The following GALNT13 variants were observed in gnomAD, a reference collection of about 807,000 sequenced individuals.
GALNT13 encodes the protein UDP-GalNAc:polypeptide N-acetylgalactosaminyltransferase 13.
In GALNT13, 28 loss-of-function variants were observed where a neutral mutation model predicts 64.2. The observed-to-expected ratio is 0.44, with a 90% CI of 0.32 to 0.60. The LOEUF is 0.60. GALNT13 is among the 20% of genes least tolerant of loss of function. The pLI, the probability that GALNT13 is intolerant of heterozygous loss-of-function variation, is 0.05. For missense variants in GALNT13, 577 were observed against 669.8 expected (o/e 0.86, Z 1.53); for synonymous variants, 214 against 224.6 (o/e 0.95, Z 0.42).
the GALNT13 span, among the ~76,000 whole-genome samples, chr2:153,225,107 A>G: frequency 6.6e-6 from 1 of 152,246 alleles, no homozygotes; most frequent in African/African-American, 2.4e-5. Flanking sequence ...GGACGAATCC[A>G]ACAATGTGTA....
chr2:153,195,420 A>C, the GALNT13 span, among the ~76,000 whole-genome samples: 97 of 152,316 alleles, frequency 6.4e-4, 1 homozygote, highest in South Asian at 0.02. Flanking sequence ...GCCACTGTGC[A>C]GTCAGACATG....
intron 3 of GALNT13, among the ~76,000 whole-genome samples, chr2:154,090,039 G>A (rs1381403077): frequency 6.6e-6 from 1 of 152,018 alleles, no homozygotes; most frequent in East Asian, 1.9e-4. Flanking sequence ...TGCCTTGCGA[G>A]AAGCACAAGT....
At chr2:153,196,611 T>C in the GALNT13 span, among the ~76,000 whole-genome samples, 1 of 151,950 alleles carries the variant, frequency 6.6e-6, no homozygotes, top group Non-Finnish European at 1.5e-5. Context: ...GCCTGCTCCA[T>C]GGAGCATGCA....
At chr2:154,413,952 T>C (rs1699898846) in intron 11 of GALNT13, among the ~76,000 whole-genome samples, 1 of 152,116 alleles carries the variant, frequency 6.6e-6, no homozygotes, top group Non-Finnish European at 1.5e-5. Flanking sequence ...TTTACTTCTT[T>C]AGAAATATCT....
chr2:153,255,045 A>T, the GALNT13 span, among the ~76,000 whole-genome samples: 2 of 152,038 alleles, frequency 1.3e-5, no homozygotes, highest in Non-Finnish European at 2.9e-5. Context: ...TGTCTCGTTG[A>T]TCTGTCTAAT....
At chr2:154,050,372 T>C (rs1303732334) in intron 3 of GALNT13, among the ~76,000 whole-genome samples, 1 of 152,194 alleles carries the variant, frequency 6.6e-6, no homozygotes, top group Non-Finnish European at 1.5e-5. Flanking sequence ...CCCCAGACCC[T>C]GTGCTCTCAT....
the GALNT13 span, among the ~76,000 whole-genome samples, chr2:153,672,238 G>A: frequency 1.1e-4 from 17 of 152,070 alleles, no homozygotes; most frequent in African/African-American, 3.6e-4. Flanking sequence ...CCCCAAATCA[G>A]TAGAATATAC....
the GALNT13 span, among the ~76,000 whole-genome samples, chr2:153,546,725 A>G: frequency 6.6e-6 from 1 of 152,186 alleles, no homozygotes; most frequent in Non-Finnish European, 1.5e-5. Context: ...CTGTGTGTAT[A>G]TTGCCTCAAT....
At chr2:153,389,053 T>A in the GALNT13 span, among the ~76,000 whole-genome samples, 2 of 152,068 alleles carry the variant, frequency 1.3e-5, no homozygotes, top group African/African-American at 2.4e-5. Flanking sequence ...AGGAAACAGC[T>A]CCTGTCAATA....
the GALNT13 span, among the ~76,000 whole-genome samples, chr2:153,495,407 A>T: frequency 6.6e-6 from 1 of 152,198 alleles, no homozygotes; most frequent in Non-Finnish European, 1.5e-5. Context: ...GAATAAAAAC[A>T]TTTGTCCACA....
chr2:153,915,327 G>T (rs975494889), intron 2 of GALNT13, among the ~76,000 whole-genome samples: 1 of 152,074 alleles, frequency 6.6e-6, no homozygotes, highest in African/African-American at 2.4e-5. Flanking sequence ...GTTCTCACTG[G>T]TCTCTACTCT....
chr2:153,747,422 G>GTTTTTTTTTTTTTT, the GALNT13 span, among the ~76,000 whole-genome samples: 1 of 93,750 alleles, frequency 1.1e-5, no homozygotes, highest in Non-Finnish European at 2.0e-5. Flanking sequence ...AGTGCCTTTG[G>GTTTTTTTTTTTTTT]TTTTTTTTTT....
At chr2:153,693,452 G>A in the GALNT13 span, among the ~76,000 whole-genome samples, 4 of 152,042 alleles carry the variant, frequency 2.6e-5, no homozygotes, top group Non-Finnish European at 4.4e-5. Context: ...TCTTAAATTG[G>A]GCTAAGCGGG....
chr2:153,746,776 G>C, the GALNT13 span, among the ~76,000 whole-genome samples: 1 of 152,024 alleles, frequency 6.6e-6, no homozygotes, highest in Non-Finnish European at 1.5e-5. Flanking sequence ...TACAATTTTA[G>C]CCATTCCAGA....
At chr2:153,807,167 A>G in the GALNT13 span, among the ~76,000 whole-genome samples, 5 of 152,212 alleles carry the variant, frequency 3.3e-5, no homozygotes, top group South Asian at 1.0e-3. Context: ...CTCTTCTCTC[A>G]TAAGTTATCA....
At chr2:153,478,517 C>G in the GALNT13 span, 32 of 1,607,370 alleles carry the variant, frequency 2.0e-5, no homozygotes, top group Non-Finnish European at 2.7e-5. Flanking sequence ...CTGCTGTTGG[C>G]CAGGAACAGG....
chr2:153,616,097 A>T, the GALNT13 span, among the ~76,000 whole-genome samples: 1 of 151,832 alleles, frequency 6.6e-6, no homozygotes, highest in Admixed American at 6.6e-5. Flanking sequence ...ATCCATTTTA[A>T]TTAGATTTTT....
At chr2:153,991,247 G>C (rs533898194) in intron 3 of GALNT13, among the ~76,000 whole-genome samples, 3 of 152,296 alleles carry the variant, frequency 2.0e-5, no homozygotes, top group Admixed American at 1.3e-4. Flanking sequence ...GCTGGGCAGG[G>C]CTAGATTGTG....
chr2:153,505,470 T>G, the GALNT13 span, among the ~76,000 whole-genome samples: 1 of 152,182 alleles, frequency 6.6e-6, no homozygotes, highest in South Asian at 2.1e-4. Flanking sequence ...TGACCCCAGT[T>G]TGCTCTTTCA....
Sources: gnomAD v4.1 joint callset for allele counts (sites outside exome capture counted in the v4.1 genomes callset) on GRCh38, gnomAD v4.1.1 for gene constraint, MANE v1.5 for transcripts, NCBI Gene and HGNC (gene_info 2026-07-23, HGNC 2026-07-21) for gene names.